The following PHF21B variants were observed in gnomAD, a reference collection of about 807,000 sequenced individuals.
PHF21B encodes PHD finger protein 4.
In PHF21B, 22 loss-of-function variants were observed where a neutral mutation model predicts 62.2. The observed-to-expected ratio is 0.35, with a 90% CI of 0.25 to 0.51. The LOEUF is 0.51. Ranked by LOEUF, PHF21B falls within the 20% of genes least tolerant of loss-of-function variation. The probability of loss-of-function intolerance (pLI) is 0.97; values close to 1 mark genes in which losing one functional copy is unlikely to be tolerated. For synonymous variants in PHF21B, 341 were observed against 314.7 expected, an observed-to-expected ratio of 1.08 and a Z score of -0.88; for missense variants, 701 against 707.9, an observed-to-expected ratio of 0.99 and a Z score of 0.11.
Position 45,009,475 on chromosome 22 carries a change from GCCCGGCC to G in PHF21B, c.54+14_54+20del. The G allele has an allele frequency of 6.5e-7, 1 of 1,529,618 alleles. No homozygotes were observed. The highest frequency in any genetic ancestry group is 1.4e-5 in the African/African-American group (1 of 72,324). The allele number at this position is 1,529,618 out of a possible 1,614,324, so 94.8% of individuals were successfully genotyped here. A position where few individuals can be genotyped will look rare whatever the true frequency, so the allele number is the denominator to read the frequency against. ...CCCGCAACACACTCCCCGGCCCCGGGCCCGGCCCCCGGCCACCTACCTGGTGGCGCGC... is the reference window on the plus strand; with the variant it reads ...CCCGCAACACACTCCCCGGCCCCGGGCCCGGCCACCTACCTGGTGGCGCGC... On this transcript the variant is annotated intron_variant, in intron 1 of 12. Coordinates refer to ENST00000313237, the MANE Select transcript of PHF21B (RefSeq NM_138415.5). This position sits in a 1 kb window ranked among gnomAD's most constrained non-coding sequence, Gnocchi z 5.9.
At chr22:44,922,191 T>G (rs567747333) in intron 2 of PHF21B, among the ~76,000 whole-genome samples, 2 of 152,360 alleles carry the variant, frequency 1.3e-5, no homozygotes, top group East Asian at 3.9e-4. Context: ...ACTGCAGGGC[T>G]GCTTTGCCAT....
At chr22:44,992,056 T>C (rs910022815) in intron 2 of PHF21B, among the ~76,000 whole-genome samples, 2 of 152,214 alleles carry the variant, frequency 1.3e-5, no homozygotes, top group African/African-American at 4.8e-5. Context: ...GTCCCTTCTC[T>C]TGACCAATGT....
chr22:44,997,529 ACT>A (rs2073142647), intron 2 of PHF21B, among the ~76,000 whole-genome samples: 2 of 152,180 alleles, frequency 1.3e-5, no homozygotes, highest in African/African-American at 4.8e-5. Context: ...ATTTATTACC[ACT>A]GAGACGCATT....
intron 2 of PHF21B, among the ~76,000 whole-genome samples, chr22:44,958,666 C>T (rs2147410213): frequency 8.1e-6 from 1 of 122,814 alleles, no homozygotes; most frequent in South Asian, 2.7e-4. Context: ...AGTGCAGTGG[C>T]ATGATCTTGG....
chr22:44,968,642 T>G (rs1173813041), intron 2 of PHF21B, among the ~76,000 whole-genome samples: 1 of 26,412 alleles, frequency 3.8e-5, no homozygotes, highest in East Asian at 1.1e-3. Context: ...AGATTCCATC[T>G]CAAAAAAAAA....
At chr22:44,929,710 G>A (rs377121004) in intron 2 of PHF21B, among the ~76,000 whole-genome samples, 1 of 152,268 alleles carries the variant, frequency 6.6e-6, no homozygotes, top group African/African-American at 2.4e-5. Context: ...GCACAAAGGT[G>A]CTCTAACAGC....
intron 5 of PHF21B, among the ~76,000 whole-genome samples, chr22:44,905,657 C>T (rs1482159337): frequency 1.3e-5 from 2 of 152,058 alleles, no homozygotes; most frequent in Non-Finnish European, 2.9e-5. Flanking sequence ...GATACGGAAT[C>T]TCGCTCGGTC....
intron 10 of PHF21B, among the ~76,000 whole-genome samples, chr22:44,886,706 T>C (rs1348928196): frequency 2.0e-5 from 3 of 150,388 alleles, no homozygotes; most frequent in Admixed American, 2.0e-4. Context: ...AAAAAGGATG[T>C]AACCCCCGAC....
chr22:44,961,234 C>T (rs546142461), intron 2 of PHF21B, among the ~76,000 whole-genome samples: 16 of 152,194 alleles, frequency 1.1e-4, no homozygotes, highest in African/African-American at 2.9e-4. Flanking sequence ...GGATTACAGG[C>T]ATGAGCCACC....
chr22:44,976,304 A>G (rs1288945337), intron 2 of PHF21B, among the ~76,000 whole-genome samples: 1 of 152,166 alleles, frequency 6.6e-6, no homozygotes, highest in African/African-American at 2.4e-5. Flanking sequence ...TACATTTATT[A>G]TTTCTTTGTG....
intron 2 of PHF21B, among the ~76,000 whole-genome samples, chr22:44,925,016 A>C (rs2147324108): frequency 6.6e-6 from 1 of 152,368 alleles, no homozygotes; most frequent in Middle Eastern, 3.4e-3. Context: ...TGGATGAATC[A>C]CAAAATAACA....
chr22:44,927,348 C>T (rs1166065886), intron 2 of PHF21B, among the ~76,000 whole-genome samples: 1 of 152,176 alleles, frequency 6.6e-6, no homozygotes, highest in East Asian at 1.9e-4. Flanking sequence ...TGCAGCTCTT[C>T]AGGGAGCAAA....
chr22:44,896,101 C>T lies in PHF21B; in HGVS notation c.832-18G>A. 6.2e-7 allele frequency: 1 copy of T among 1,613,874 alleles called. No individual in the cohort carries two copies. On this transcript the variant is annotated intron_variant, in intron 5 of 12. Coordinates refer to ENST00000313237, the MANE Select transcript of PHF21B (RefSeq NM_138415.5). ...GCGATTTTCTGAGGGAAGGAACAGA[C>T]AAAGGAGCATTAACACAACCGTCAA...
chr22:45,008,827 G>T (rs1420242945), intron 1 of PHF21B: 1 of 1,183,536 alleles, frequency 8.4e-7, no homozygotes, highest in East Asian at 3.6e-5. Flanking sequence ...CAGCTCGCGG[G>T]GCGGGGCGGG....
At chr22:44,923,182 C>T (rs1601602959) in intron 2 of PHF21B, among the ~76,000 whole-genome samples, 2 of 152,218 alleles carry the variant, frequency 1.3e-5, no homozygotes, top group South Asian at 4.1e-4. Flanking sequence ...AGTAGACTTA[C>T]ACATACATAG....
At chr22:44,991,850 C>A (rs1314113642) in intron 2 of PHF21B, among the ~76,000 whole-genome samples, 2 of 152,258 alleles carry the variant, frequency 1.3e-5, no homozygotes, top group African/African-American at 2.4e-5. Flanking sequence ...GGTGAAGGGG[C>A]TGCTGAGAAC....
At chr22:44,970,876 A>G (rs1376222997) in intron 2 of PHF21B, 1 of 152,234 alleles carries the variant, frequency 6.6e-6, no homozygotes, top group African/African-American at 2.4e-5. Context: ...ACTAGCAGAA[A>G]ATGGGGGGTG....
intron 2 of PHF21B, among the ~76,000 whole-genome samples, chr22:44,978,541 T>G (rs563969323): frequency 6.6e-6 from 1 of 152,164 alleles, no homozygotes; most frequent in African/African-American, 2.4e-5. Flanking sequence ...TGTATTTTCA[T>G]AGAGACAGGG....
At chr22:44,965,645 T>C (rs889589622) in intron 2 of PHF21B, among the ~76,000 whole-genome samples, 1 of 152,140 alleles carries the variant, frequency 6.6e-6, no homozygotes, top group African/African-American at 2.4e-5. Context: ...GTTCTGGCTG[T>C]CTGGGCCGTC....
Sources: gnomAD v4.1 joint callset for allele counts (sites outside exome capture counted in the v4.1 genomes callset) on GRCh38, gnomAD v4.1.1 for gene constraint, Gnocchi (gnomAD v3.1) non-coding constraint, MANE v1.5 for transcripts, NCBI Gene and HGNC (gene_info 2026-07-23, HGNC 2026-07-21) for gene names.